The following DNAH17 variants were observed in gnomAD, a reference collection of about 807,000 sequenced individuals.
DNAH17 encodes the protein axonemal beta dynein heavy chain 17.
DNAH17 carries 376 observed loss-of-function variants against 485.6 expected under a neutral mutation model. That is an observed-to-expected ratio of 0.77 (90% confidence interval 0.71 to 0.84). The LOEUF (loss-of-function observed/expected upper bound fraction) is 0.84. Among genes scored for constraint, DNAH17 ranks in the 40% least tolerant of loss-of-function variants. The probability of loss-of-function intolerance (pLI) is 0.00; values close to 1 mark genes in which losing one functional copy is unlikely to be tolerated. For missense variants in DNAH17, 6,370 were observed against 5,839.3 expected (o/e 1.09, Z -2.96); for synonymous variants, 3,031 against 2,405.9 (o/e 1.26, Z -7.60).
chr17:78,546,455 T>C (rs2091766699), intron 16 of DNAH17, among the ~76,000 whole-genome samples: 2 of 152,244 alleles, frequency 1.3e-5, no homozygotes, highest in South Asian at 2.1e-4. Flanking sequence ...TTCTGCTTTC[T>C]CACCGTTTCC....
intron 51 of DNAH17, among the ~76,000 whole-genome samples, 178 bp from the exon 52 acceptor site, chr17:78,476,911 C>T (rs550573998): frequency 8.2e-4 from 125 of 152,208 alleles, no homozygotes; most frequent in African/African-American, 2.3e-3. Flanking sequence ...CCAAAAATCC[C>T]GGATGCCAGT....
intron 55 of DNAH17, among the ~76,000 whole-genome samples, chr17:78,467,130 C>T (rs1002600937): frequency 2.6e-5 from 4 of 152,234 alleles, no homozygotes; most frequent in Admixed American, 6.5e-5. Context: ...GGCCCCAGAA[C>T]GGGCCGGGCT....
chr17:78,426,613 C>A lies in DNAH17; in HGVS notation c.12772-13G>T. On this transcript the variant is annotated splice_polypyrimidine_tract_variant and intron_variant, in intron 78 of 80. Coordinates refer to ENST00000389840, the MANE Select transcript of DNAH17 (RefSeq NM_173628.4). The stretch of plus-strand genomic sequence containing the variant: ...TGGTCAGTTCTCCCTAGGAGACACA[C>A]AGATGGGTGTGGGGAGCCCTGAGCT... The A allele has an allele frequency of 3.1e-6, 5 of 1,593,568 alleles. No individual in the cohort carries two copies. Among genetic ancestry groups the A allele is most frequent in the Non-Finnish European group, 4.3e-6 (5 of 1,167,902 alleles).
At position 78,428,534 on chromosome 17, in the gene DNAH17, G is replaced by A. The variant is rs761215043; in HGVS notation, c.12579C>T (p.Arg4193=). The part of the protein sequence containing the change: ...TDSGAGTGVS[R]EEKVKAVLDD... ...GTTTCAAAGATCCTGCCTTCTCCTC[G>A]CGGGACACTCCCGTGCCTGCCCCCG... Residue 4193 remains arginine, a synonymous_variant, in exon 77 of 81, where the codon CGC becomes CGT. Transcript: ENST00000389840. 2.5e-6 allele frequency: 4 copies of A among 1,606,504 alleles called. No individual in the cohort carries two copies. The highest frequency in any genetic ancestry group is 1.3e-5 in the African/African-American group (1 of 74,818).
At chr17:78,433,535 C>T (rs986760152) in intron 75 of DNAH17, among the ~76,000 whole-genome samples, 27 of 152,206 alleles carry the variant, frequency 1.8e-4, no homozygotes, top group African/African-American at 6.5e-4. Context: ...ATGGACACAG[C>T]ACTCCCTTCT....
At chr17:78,468,172 A>G (rs2088573929) in intron 55 of DNAH17, among the ~76,000 whole-genome samples, 1 of 152,250 alleles carries the variant, frequency 6.6e-6, no homozygotes, top group Admixed American at 6.5e-5. Flanking sequence ...AAAAAAAATA[A>G]TAAAAAATAA....
At chr17:78,552,193 C>G (rs1309466711) in intron 15 of DNAH17, among the ~76,000 whole-genome samples, 1 of 152,196 alleles carries the variant, frequency 6.6e-6, no homozygotes, top group East Asian at 1.9e-4. Flanking sequence ...GAGCCCCAGA[C>G]TCCTCACGTT....
Position 78,460,189 on chromosome 17 carries a change from G to A in DNAH17, c.9408C>T (p.Ala3136=), listed in dbSNP as rs377330115. The A allele has an allele frequency of 6.2e-5, 100 of 1,608,798 alleles. No individual in the cohort carries two copies. Among genetic ancestry groups the A allele is most frequent in the South Asian group, 1.7e-4 (15 of 90,096 alleles). The part of the protein sequence containing the change: ...LAKAEPALLA[A]QEALDTLNKN... ...TATTCAGAGTGTCCAGAGCCTCCTG[G>A]GCTGCCAGCAGGGCCGGTTCTGCTT... is the stretch of plus-strand genomic sequence containing the variant. The change falls in exon 59 of 81, where the codon GCC becomes GCT. Residue 3136 remains alanine, a synonymous_variant. Coordinates refer to ENST00000389840, the MANE Select transcript of DNAH17 (RefSeq NM_173628.4).
rs766239541 is a variant in DNAH17, at chr17:78,571,713, C to A, written c.609G>T (p.Gln203His). 2 of 1,613,676 alleles carry A rather than the reference C, an allele frequency of 1.2e-6. No individual in the cohort carries two copies. The highest frequency in any genetic ancestry group is 1.7e-4 in the Middle Eastern group (1 of 6,058). The change falls in exon 4 of 81, where the codon CAG (glutamine) becomes CAT (histidine). Residue 203 changes from glutamine (Q) to histidine (H), a missense_variant. By Grantham distance (24) the Gln-to-His change is conservative. Coordinates refer to ENST00000389840, the MANE Select transcript of DNAH17 (RefSeq NM_173628.4). Reference protein sequence around the residue: ...IETTIIDWSHQIRDVLSKDSA... With the variant: ...IETTIIDWSHHIRDVLSKDSA... Reference sequence around the variant, plus strand: ...AGTCTTTGCTCAGCACATCCCGGATCTGGTGGGACCAGTCGATGATGGTGG... The same window carrying A: ...AGTCTTTGCTCAGCACATCCCGGATATGGTGGGACCAGTCGATGATGGTGG...
chr17:78,537,228 T>A, intron 19 of DNAH17, 71 bp downstream of exon 19: 4 of 1,444,768 alleles, frequency 2.8e-6, no homozygotes, highest in African/African-American at 1.4e-5. Flanking sequence ...CCTTGCCGAG[T>A]TAGGGCGGCA....
chr17:78,521,604 T>C (rs534263339), intron 25 of DNAH17, among the ~76,000 whole-genome samples: 9 of 152,182 alleles, frequency 5.9e-5, no homozygotes, highest in African/African-American at 2.2e-4. Flanking sequence ...AGAAAATCTT[T>C]AGGATCTAGG....
rs569043490 is a variant in DNAH17, at chr17:78,495,020, C to T, written c.5981G>A (p.Arg1994His). The T allele has an allele frequency of 1.2e-5, 19 of 1,612,526 alleles. No individual in the cohort carries two copies. The highest frequency in any genetic ancestry group is 9.3e-5 in the African/African-American group (7 of 75,036). ...GGTGATGAACTTCCTGGCCAGAAGG[C>T]GGGCTTCCAGAAAGCCCTCGGCCAT... ...MLMAEGFLEA[R>H]LLARKFITLY... Residue 1994 changes from arginine to histidine, a missense_variant, in exon 39 of 81, where the codon CGC (arginine) becomes CAC (histidine). Transcript: ENST00000389840.
rs546804080 is a variant in DNAH17, at chr17:78,576,446, A to T, written c.-26+849T>A. On this transcript the variant is annotated intron_variant, in intron 1 of 80. Transcript: ENST00000389840. ...ACGAGCAAAGCCACCCGATTCAGGC[A>T]CATCTGTGAAAGAAAAAGGGGACAC... Among the ~76,000 whole-genome samples, 298 of 152,298 alleles carry T rather than the reference A, an allele frequency of 2.0e-3. 1 individual carries two copies. The highest frequency in any genetic ancestry group is 6.9e-3 in the African/African-American group (286 of 41,570).
chr17:78,539,903 G>A (rs745816671), intron 17 of DNAH17, 23 bp from the exon 18 acceptor site: 1 of 1,544,892 alleles, frequency 6.5e-7, no homozygotes, highest in Non-Finnish European at 8.7e-7. Flanking sequence ...GCGCACAGTT[G>A]GGCCTCACTT....
In DNAH17 at chr17:78,458,620, T is replaced by C. The variant is rs140291590; in HGVS notation, c.9922A>G (p.Ile3308Val). The C allele has an allele frequency of 4.3e-5, 69 of 1,613,906 alleles. No homozygotes were observed. Among genetic ancestry groups the C allele is most frequent in the Non-Finnish European group, 5.3e-5 (63 of 1,179,900 alleles). ...SAFEKATAEK[I>V]KCQQEADATN... ...GCATCGGCCTCTTGCTGACACTTGA[T>C]TTTCTCAGCTGTTGCTTTTTCAAAC... Residue 3308 changes from isoleucine (I) to valine (V), a missense_variant, in exon 62 of 81, where the codon ATC becomes GTC. Transcript: ENST00000389840.
At chr17:78,575,402 C>T (rs901165286) in intron 1 of DNAH17, among the ~76,000 whole-genome samples, 1 of 152,150 alleles carries the variant, frequency 6.6e-6, no homozygotes, top group African/African-American at 2.4e-5. Flanking sequence ...AAGGAAATGG[C>T]CGCAACCAGA....
chr17:78,441,316 G>T, intron 71 of DNAH17, 117 bp from the exon 72 acceptor site: 1 of 1,145,676 alleles, frequency 8.7e-7, no homozygotes, highest in African/African-American at 1.5e-5. Context: ...TTCTTCAGCG[G>T]GACAAGGCCT....
At position 78,484,941 on chromosome 17, in the gene DNAH17, T is replaced by A. The variant is rs1169383721; in HGVS notation, c.7576A>T (p.Met2526Leu). 1.2e-5 allele frequency: 19 copies of A among 1,611,244 alleles called. No individual in the cohort carries two copies. The change falls in exon 48 of 81, where the codon ATG becomes TTG. Residue 2526 changes from methionine (M) to leucine (L), a missense_variant. Physicochemically the swap from Met to Leu is conservative, Grantham distance 15. Coordinates refer to ENST00000389840, the MANE Select transcript of DNAH17 (RefSeq NM_173628.4). ...KLVYFIDDMN[M>L]PEVDKYGTVA... ...GTCCCATACTTGTCCACCTCGGGCA[T>A]GTTCATGTCGTCGATGAAGTAGACG...
At position 78,485,632 on chromosome 17, in the gene DNAH17, G is replaced by A. The variant is rs1189239451; in HGVS notation, c.7401C>T (p.Asp2467=). The A allele has an allele frequency of 6.2e-7, 1 of 1,613,996 alleles. No individual in the cohort carries two copies. The highest frequency in any genetic ancestry group is 8.5e-7 in the Non-Finnish European group (1 of 1,179,876). ...TGTCCGTGTTCAGGCTTTCCAGCTT[G>A]TCCCCCATCAGCACCGACTTGCCCG... The part of the protein sequence containing the change: ...AGTGKSVLMG[D]KLESLNTDNY... Residue 2467 remains aspartate, a synonymous_variant, in exon 47 of 81, where the codon GAC becomes GAT. Transcript: ENST00000389840.
Sources: allele counts gnomAD v4.1 joint callset (sites outside exome capture counted in the v4.1 genomes callset), GRCh38; gene constraint gnomAD v4.1.1; transcripts MANE v1.5; gene names NCBI Gene and HGNC (gene_info 2026-07-23, HGNC 2026-07-21).